Variants in TRPM6 observed in about 807,000 individuals in gnomAD.
The protein encoded by TRPM6 is transient receptor potential cation channel subfamily M member 6.
Under a neutral mutation model 247.6 loss-of-function variants are expected in TRPM6, and 111 were observed. The observed-to-expected ratio is 0.45, with a 90% CI of 0.38 to 0.52. The LOEUF is 0.52. Among genes scored for constraint, TRPM6 ranks in the 20% least tolerant of loss-of-function variants. The probability of loss-of-function intolerance (pLI) is 0.00; values close to 1 mark genes in which losing one functional copy is unlikely to be tolerated. For synonymous variants in TRPM6, 892 were observed against 853.8 expected (o/e 1.04, Z -0.78); for missense variants, 2,126 against 2,421.5 (o/e 0.88, Z 2.56).
chr9:74,739,568 G>T, intron 34 of TRPM6, 119 bp from the exon 35 acceptor site: 1 of 1,487,022 alleles, frequency 6.7e-7, no homozygotes, highest in Non-Finnish European at 9.4e-7. Context: ...ACCACTGCCT[G>T]CCCCAAAAGC....
rs570376327 is a variant in TRPM6 at position 74,724,539 on chromosome 9, C to T, written c.*74G>A. On this transcript the variant is annotated 3_prime_UTR_variant, in exon 39 of 39. Transcript: ENST00000360774. Reference sequence around the variant, plus strand: ...GGAGACGCTGATGTAATCAACATCACGTTGATCAATCTATGTTATCACAGA... The same window carrying T: ...GGAGACGCTGATGTAATCAACATCATGTTGATCAATCTATGTTATCACAGA... The T allele has an allele frequency of 6.3e-6, 10 of 1,594,392 alleles. No homozygotes were observed. The highest frequency in any genetic ancestry group is 3.3e-5 in the Admixed American group (2 of 59,984).
intron 6 of TRPM6, among the ~76,000 whole-genome samples, chr9:74,829,473 G>T (rs948728175): frequency 6.6e-6 from 1 of 152,112 alleles, no homozygotes; most frequent in Non-Finnish European, 1.5e-5. Flanking sequence ...TTAAGTCAAG[G>T]CTCTTCTACT....
intron 3 of TRPM6, among the ~76,000 whole-genome samples, chr9:74,845,149 A>G (rs1014639766): frequency 3.3e-5 from 5 of 152,260 alleles, no homozygotes; most frequent in African/African-American, 1.2e-4. Flanking sequence ...AGTTTGAAAT[A>G]TTGCGAGAAT....
intron 37 of TRPM6, among the ~76,000 whole-genome samples, chr9:74,730,736 A>G (rs752491539): frequency 6.6e-6 from 1 of 152,200 alleles, no homozygotes; most frequent in Non-Finnish European, 1.5e-5. Context: ...CAAGTGCTTC[A>G]GACACGTAAG....
At chr9:74,782,024 G>T (rs1827479254) in intron 23 of TRPM6, among the ~76,000 whole-genome samples, 1 of 152,148 alleles carries the variant, frequency 6.6e-6, no homozygotes, top group Admixed American at 6.6e-5. Flanking sequence ...AGAGAATTTA[G>T]AGATGCTTTA....
chr9:74,808,309 T>C, intron 13 of TRPM6, 135 bp from the exon 14 acceptor site: 1 of 1,102,104 alleles, frequency 9.1e-7, no homozygotes. Flanking sequence ...AACTGATTAA[T>C]TTAAGTGACC....
At chr9:74,784,976 T>C (rs1306765925) in intron 21 of TRPM6, among the ~76,000 whole-genome samples, 3 of 152,054 alleles carry the variant, frequency 2.0e-5, no homozygotes, top group South Asian at 2.1e-4. Context: ...TAGCTTGGCA[T>C]GATGGTGTGT....
At chr9:74,809,993 A>T (rs1275569504) in intron 13 of TRPM6, among the ~76,000 whole-genome samples, 1 of 151,136 alleles carries the variant, frequency 6.6e-6, no homozygotes, top group Non-Finnish European at 1.5e-5. Flanking sequence ...AAAAAAAAAA[A>T]AAAAAAAAAC....
At chr9:74,779,899 C>T (rs988739263) in intron 23 of TRPM6, among the ~76,000 whole-genome samples, 13 of 152,190 alleles carry the variant, frequency 8.5e-5, no homozygotes, top group East Asian at 7.7e-4. Flanking sequence ...GACGGCTGGG[C>T]GCAGTGGCTC....
chr9:74,737,516 C>T (rs1344339596), intron 36 of TRPM6: 1 of 892,264 alleles, frequency 1.1e-6, no homozygotes, highest in Non-Finnish European at 1.6e-6. Context: ...GATGGTTATA[C>T]CCTCTACATA....
At chr9:74,748,266 A>G (rs1251457699) in intron 30 of TRPM6, among the ~76,000 whole-genome samples, 1 of 152,256 alleles carries the variant, frequency 6.6e-6, no homozygotes, top group Non-Finnish European at 1.5e-5. Flanking sequence ...ACAACTATGT[A>G]CAGCACATAA....
chr9:74,732,616 A>G, intron 37 of TRPM6, 69 bp downstream of exon 37: 1 of 1,246,534 alleles, frequency 8.0e-7, no homozygotes, highest in Non-Finnish European at 1.2e-6. Flanking sequence ...ATGTTTGTAA[A>G]TTATTTTTAA....
intron 4 of TRPM6, among the ~76,000 whole-genome samples, chr9:74,841,663 C>G (rs568094051): frequency 6.6e-6 from 1 of 152,022 alleles, no homozygotes; most frequent in Non-Finnish European, 1.5e-5. Context: ...TGCCACCATA[C>G]CAGCTAAATT....
intron 6 of TRPM6, among the ~76,000 whole-genome samples, chr9:74,828,906 T>C (rs766723572): frequency 2.6e-5 from 4 of 152,194 alleles, no homozygotes; most frequent in Non-Finnish European, 4.4e-5. Flanking sequence ...CACCAGTACA[T>C]AGACCACACC....
intron 1 of TRPM6, chr9:74,875,148 A>C (rs1831153881): frequency 9.8e-6 from 4 of 407,882 alleles, no homozygotes; most frequent in Middle Eastern, 3.5e-4. Flanking sequence ...AATAATTTTT[A>C]AAACCACCAT....
At chr9:74,806,381 C>T (rs1828528261) in intron 14 of TRPM6, among the ~76,000 whole-genome samples, 2 of 152,114 alleles carry the variant, frequency 1.3e-5, no homozygotes, top group Admixed American at 1.3e-4. Flanking sequence ...CTGCCTTGGC[C>T]TCCCAAAGTC....
chr9:74,842,271 A>C lies in TRPM6; in HGVS notation c.225T>G (p.Gly75=), dbSNP rs1429205059. The change falls in exon 4 of 39, where the codon GGT becomes GGG. Residue 75 remains glycine (G), a synonymous_variant. Transcript: ENST00000360774. ...DYSWTISAAK[G]KESEQWSVEK... is the part of the protein sequence containing the mutation. Reference sequence around the variant, plus strand: ...CAACAGACCATTGTTCACTTTCTTTACCCTTGGCAGCTGAGATGGTCCAGG... The same window carrying C: ...CAACAGACCATTGTTCACTTTCTTTCCCCTTGGCAGCTGAGATGGTCCAGG... 6 of 1,613,978 alleles carry C rather than the reference A, an allele frequency of 3.7e-6. No individual in the cohort carries two copies. In the Admixed American group the frequency reaches 1.0e-4, roughly 27 times the overall value.
intron 11 of TRPM6, among the ~76,000 whole-genome samples, chr9:74,815,787 A>C (rs1828904095): frequency 2.0e-5 from 3 of 152,260 alleles, no homozygotes; most frequent in Non-Finnish European, 4.4e-5. Flanking sequence ...CAGGGCAGAG[A>C]ACTACCATCT....
Position 74,730,079 on chromosome 9 carries a change from G to A in TRPM6, c.5829-1734C>T, listed in dbSNP as rs537366008. Among the ~76,000 whole-genome samples the A allele has an allele frequency of 5.9e-5, 9 of 152,296 alleles. No homozygotes were observed. The South Asian group carries it at 1.2e-3, about 21-fold the overall frequency. The stretch of plus-strand genomic sequence containing the variant: ...CATTTGCATCTACCCGCTACAGCAC[G>A]CCTAGAGCCTTGCAGTCTTAGATAA... On this transcript the variant is annotated intron_variant, in intron 37 of 38. Transcript: ENST00000360774.
Sources: allele counts gnomAD v4.1 joint callset (sites outside exome capture counted in the v4.1 genomes callset), GRCh38; gene constraint gnomAD v4.1.1; transcripts MANE v1.5; gene names NCBI Gene and HGNC (gene_info 2026-07-23, HGNC 2026-07-21).